Variants in GDPGP1 observed in about 807,000 individuals in gnomAD.
The protein encoded by GDPGP1 is GDP-D-glucose phosphorylase C15orf58.
In GDPGP1, 18 loss-of-function variants were observed where a neutral mutation model predicts 19.2. The ratio of observed to expected loss-of-function variants is 0.94; its 90% confidence interval spans 0.65 to 1.39. The LOEUF (loss-of-function observed/expected upper bound fraction) is 1.39. Ranked by LOEUF, GDPGP1 falls within the 40% of genes most tolerant of loss-of-function variation. GDPGP1 has a pLI of 0.00. For synonymous variants in GDPGP1, 219 were observed against 208.9 expected, an observed-to-expected ratio of 1.05 and a Z score of -0.42; for missense variants, 449 against 490.5, an observed-to-expected ratio of 0.92 and a Z score of 0.80.
rs371098967 is a variant in GDPGP1 at position 90,243,090 on chromosome 15, C to T, written c.*1024C>T. ...TGACTTTACATTTAGATTTTGTCTTCCTTTGATATCAAATGTTAGCACGGT... is the reference window on the plus strand; with the variant it reads ...TGACTTTACATTTAGATTTTGTCTTTCTTTGATATCAAATGTTAGCACGGT... On this transcript the variant is annotated 3_prime_UTR_variant, in exon 4 of 4. Coordinates refer to ENST00000329600, the MANE Select transcript of GDPGP1 (RefSeq NM_001013657.3). 1.3e-5 allele frequency: 2 copies of T among 152,184 alleles called. No individual in the cohort carries two copies. Among genetic ancestry groups the T allele is most frequent in the African/African-American group, 2.4e-5 (1 of 41,440 alleles). The allele number at this position is 152,184 out of a possible 1,614,324, so 9.4% of individuals were successfully genotyped here. A position where few individuals can be genotyped will look rare whatever the true frequency, so the allele number is the denominator to read the frequency against.
chr15:90,236,764 C>T (rs1317491029), intron 2 of GDPGP1, among the ~76,000 whole-genome samples: 1 of 151,844 alleles, frequency 6.6e-6, no homozygotes, highest in African/African-American at 2.4e-5. Context: ...TCTCGATCTC[C>T]TGATCTCTTG....
In GDPGP1 at chr15:90,243,379, GT is replaced by G. The variant is rs66582975; in HGVS notation, c.*1320del. The G allele has an allele frequency of 0.21, 31,497 of 151,674 alleles. 4,094 individuals carry two copies. The highest frequency in any genetic ancestry group is 0.37 in the African/African-American group (15,100 of 41,244). 9.4% of individuals were successfully genotyped at this position (151,674 alleles called of 1,614,324 possible). A position where few individuals can be genotyped will look rare whatever the true frequency, so the allele number is the denominator to read the frequency against. ...CCGGGTGCACGTCTTTTTTTGTTTTGTTTTTTTGTAAGGCTGGGGTGCAGTG... is the reference window on the plus strand; with the variant it reads ...CCGGGTGCACGTCTTTTTTTGTTTTGTTTTTTGTAAGGCTGGGGTGCAGTG... On this transcript the variant is annotated 3_prime_UTR_variant, in exon 4 of 4. Coordinates refer to ENST00000329600, the MANE Select transcript of GDPGP1 (RefSeq NM_001013657.3).
chr15:90,244,573 C>T lies in GDPGP1; in HGVS notation c.*2507C>T, dbSNP rs1167022023. 1 of 152,122 alleles carries T rather than the reference C, an allele frequency of 6.6e-6. No homozygotes were observed. 9.4% of individuals were successfully genotyped at this position (152,122 alleles called of 1,614,324 possible). A position where few individuals can be genotyped will look rare whatever the true frequency, so the allele number is the denominator to read the frequency against. ...GGGCACGTTGGCTCACACCTTTAAT[C>T]CTAGCACTTTGGGAAGCCGAGGCAG... On this transcript the variant is annotated 3_prime_UTR_variant, in exon 4 of 4. Transcript: ENST00000329600.
chr15:90,241,881 G>A lies in GDPGP1; in HGVS notation c.973G>A (p.Gly325Ser), dbSNP rs527445914. The A allele has an allele frequency of 3.3e-5, 53 of 1,614,108 alleles. No homozygotes were observed. The East Asian group carries it at 5.3e-4, about 16-fold the overall frequency. Residue 325 changes from glycine (G) to serine (S), a missense_variant, in exon 4 of 4, where the codon GGT becomes AGT. Coordinates refer to ENST00000329600, the MANE Select transcript of GDPGP1 (RefSeq NM_001013657.3). ...GAAGTCCAGCTTTGGGATAAAGGAC[G>A]GTGAAGCTTTCAATGTTGCCCTCTG... ...ARKSSFGIKD[G>S]EAFNVALCEL...
chr15:90,241,458 G>T lies in GDPGP1; in HGVS notation c.550G>T (p.Gly184Cys), dbSNP rs1962756940. 6.2e-7 allele frequency: 1 copy of T among 1,613,526 alleles called. No homozygotes were observed. Reference sequence around the variant, plus strand: ...CCAGCTCCCCCAGCGCCTGCTGCCGGGTGCACTGAGGGCAGGGATTGAGGC... The same window carrying T: ...CCAGCTCCCCCAGCGCCTGCTGCCGTGTGCACTGAGGGCAGGGATTGAGGC... ...ARQLPQRLLP[G>C]ALRAGIEAVL... The change falls in exon 4 of 4, where the codon GGT (glycine) becomes TGT (cysteine). Residue 184 changes from glycine (G) to cysteine (C), a missense_variant. Transcript: ENST00000329600.
chr15:90,245,615 T>C lies in GDPGP1; in HGVS notation c.*3549T>C, dbSNP rs1410897177. On this transcript the variant is annotated 3_prime_UTR_variant, in exon 4 of 4. Coordinates refer to ENST00000329600, the MANE Select transcript of GDPGP1 (RefSeq NM_001013657.3). ...CATAAGCTCCAGTATCACACTTAAT[T>C]TTGCTTGCTTGCTCTCTGAAGGGAG... is the stretch of plus-strand genomic sequence containing the variant. 1 of 152,210 alleles carries C rather than the reference T, an allele frequency of 6.6e-6. No homozygotes were observed. Among genetic ancestry groups the C allele is most frequent in the Non-Finnish European group, 1.5e-5 (1 of 68,044 alleles). The allele number at this position is 152,210 out of a possible 1,614,324, so 9.4% of individuals were successfully genotyped here. A position where few individuals can be genotyped will look rare whatever the true frequency, so the allele number is the denominator to read the frequency against.
chr15:90,239,700 ATATC>A (rs917690586), intron 3 of GDPGP1, among the ~76,000 whole-genome samples: 6 of 152,188 alleles, frequency 3.9e-5, no homozygotes, highest in Admixed American at 6.5e-5. Context: ...TAGCCAAACC[ATATC>A]TATCTATCTA....
chr15:90,234,768 C>G (rs1175661161), intron 2 of GDPGP1, among the ~76,000 whole-genome samples, 172 bp downstream of exon 2: 1 of 152,172 alleles, frequency 6.6e-6, no homozygotes, highest in Non-Finnish European at 1.5e-5. Flanking sequence ...TCCATCTCAC[C>G]CCTAGACTGC....
Position 90,241,865 on chromosome 15 carries a change from C to T in GDPGP1, c.957C>T (p.Ser319=). ...VRVILWARKS[S]FGIKDGEAFN... ...TAATTCTGTGGGCCCGGAAGTCCAG[C>T]TTTGGGATAAAGGACGGTGAAGCTT... Residue 319 remains serine (S), a synonymous_variant, in exon 4 of 4, where the codon AGC becomes AGT. Transcript: ENST00000329600. 1 of 1,614,168 alleles carries T rather than the reference C, an allele frequency of 6.2e-7. No individual in the cohort carries two copies. Among genetic ancestry groups the T allele is most frequent in the Non-Finnish European group, 8.5e-7 (1 of 1,180,032 alleles).
intron 2 of GDPGP1, among the ~76,000 whole-genome samples, chr15:90,236,814 G>A (rs537695969): frequency 3.9e-5 from 6 of 151,974 alleles, no homozygotes; most frequent in East Asian, 3.9e-4. Context: ...GAGCCACCAC[G>A]CCCGGCCTCT....
Position 90,241,466 on chromosome 15 carries a change from G to C in GDPGP1, c.558G>C (p.Leu186=). 6.2e-7 allele frequency: 1 copy of C among 1,613,748 alleles called. No individual in the cohort carries two copies. The highest frequency in any genetic ancestry group is 8.5e-7 in the Non-Finnish European group (1 of 1,180,032). ...CCCAGCGCCTGCTGCCGGGTGCACT[G>C]AGGGCAGGGATTGAGGCTGTGCTGC... ...QLPQRLLPGA[L]RAGIEAVLLS... The change falls in exon 4 of 4, where the codon CTG becomes CTC. Residue 186 remains leucine (L), a synonymous_variant. Transcript: ENST00000329600.
rs1465224412 is a variant in GDPGP1, at chr15:90,245,596, C to G, written c.*3530C>G. 1 of 152,028 alleles carries G rather than the reference C, an allele frequency of 6.6e-6. No individual in the cohort carries two copies. The highest frequency in any genetic ancestry group is 3.2e-3 in the Middle Eastern group (1 of 316). 9.4% of individuals were successfully genotyped at this position (152,028 alleles called of 1,614,324 possible). A position where few individuals can be genotyped will look rare whatever the true frequency, so the allele number is the denominator to read the frequency against. On this transcript the variant is annotated 3_prime_UTR_variant, in exon 4 of 4. Coordinates refer to ENST00000329600, the MANE Select transcript of GDPGP1 (RefSeq NM_001013657.3). Reference sequence around the variant, plus strand: ...TTTTGCAAGCTTTTGCATGCATAAGCTCCAGTATCACACTTAATTTTGCTT... The same window carrying G: ...TTTTGCAAGCTTTTGCATGCATAAGGTCCAGTATCACACTTAATTTTGCTT...
intron 2 of GDPGP1, among the ~76,000 whole-genome samples, chr15:90,236,712 T>C (rs1962642783): frequency 1.3e-5 from 2 of 151,052 alleles, no homozygotes; most frequent in African/African-American, 2.4e-5. Flanking sequence ...TTTTGTATTT[T>C]TTTTTAGTAG....
At position 90,236,400 on chromosome 15, in the gene GDPGP1, T is replaced by C. The variant is rs1173316964; in HGVS notation, c.-67+1804T>C. ...TTGTGCCTGGTGACCAGCTGTGATCTAGATCTCTCAGTCACTTCACTTGGC... is the reference window on the plus strand; with the variant it reads ...TTGTGCCTGGTGACCAGCTGTGATCCAGATCTCTCAGTCACTTCACTTGGC... On this transcript the variant is annotated intron_variant, in intron 2 of 3. Transcript: ENST00000329600. 2.6e-5 allele frequency among the ~76,000 whole-genome samples: 4 copies of C among 152,372 alleles called. No individual in the cohort carries two copies. The Middle Eastern group carries it at 0.01, about 389-fold the overall frequency.
Position 90,241,940 on chromosome 15 carries a change from C to T in GDPGP1, c.1032C>T (p.Ser344=), listed in dbSNP as rs1490817315. 6.2e-7 allele frequency: 1 copy of T among 1,614,130 alleles called. No homozygotes were observed. The highest frequency in any genetic ancestry group is 1.7e-5 in the Admixed American group (1 of 60,006). ...ELAGHLPVKT[S]QDFSSLTEAA... is the part of the protein sequence containing the mutation. ...CTGGGCACCTCCCTGTCAAAACATC[C>T]CAGGACTTCAGCAGCCTGACAGAGG... is the stretch of plus-strand genomic sequence containing the variant. Residue 344 remains serine (S), a synonymous_variant, in exon 4 of 4, where the codon TCC becomes TCT. Coordinates refer to ENST00000329600, the MANE Select transcript of GDPGP1 (RefSeq NM_001013657.3).
rs996792886 is a variant in GDPGP1 at position 90,243,710 on chromosome 15, A to C, written c.*1644A>C. 4.9e-5 allele frequency: 6 copies of C among 123,128 alleles called. No individual in the cohort carries two copies. The highest frequency in any genetic ancestry group is 1.6e-5 in the Non-Finnish European group (1 of 61,474). The allele number at this position is 123,128 out of a possible 1,614,324, so 7.6% of individuals were successfully genotyped here. A position where few individuals can be genotyped will look rare whatever the true frequency, so the allele number is the denominator to read the frequency against. On this transcript the variant is annotated 3_prime_UTR_variant, in exon 4 of 4. Transcript: ENST00000329600. ...GTCACCCAGGCTGGAGTGCAGTGGT[A>C]TGAAGACAGCTAACTGCAAGCTTCA... is the stretch of plus-strand genomic sequence containing the variant.
In GDPGP1 at chr15:90,244,063, C is replaced by A. The variant is rs1380513828; in HGVS notation, c.*1997C>A. The A allele has an allele frequency of 1.3e-5, 2 of 151,886 alleles. No homozygotes were observed. Among genetic ancestry groups the A allele is most frequent in the Non-Finnish European group, 2.9e-5 (2 of 68,058 alleles). The allele number at this position is 151,886 out of a possible 1,614,324, so 9.4% of individuals were successfully genotyped here. On this transcript the variant is annotated 3_prime_UTR_variant, in exon 4 of 4. Coordinates refer to ENST00000329600, the MANE Select transcript of GDPGP1 (RefSeq NM_001013657.3). ...GTTCAAGCAATTCAGCCTGAGTCTT[C>A]TTAATACCCCCATTCAAAACGGGAT...
rs71151576 is a variant in GDPGP1 at position 90,242,431 on chromosome 15, CTTTTTTTTTTTTTTTTTT to C, written c.*379_*396del. The C allele has an allele frequency of 1.2e-4, 8 of 65,514 alleles. No homozygotes were observed. Among genetic ancestry groups the C allele is most frequent in the Non-Finnish European group, 2.1e-4 (7 of 32,782 alleles). The allele number at this position is 65,514 out of a possible 1,614,324, so 4.1% of individuals were successfully genotyped here. A position where few individuals can be genotyped will look rare whatever the true frequency, so the allele number is the denominator to read the frequency against. On this transcript the variant is annotated 3_prime_UTR_variant, in exon 4 of 4. Transcript: ENST00000329600. ...TGAGCCCCTGGATTCTTTTCTGTTT[CTTTTTTTTTTTTTTTTTT>C]TTTTTTTTTTTTTGAGATAGTCTCG... is the stretch of plus-strand genomic sequence containing the variant.
chr15:90,234,608 T>C lies in GDPGP1; in HGVS notation c.-67+12T>C, dbSNP rs977913866. The C allele has an allele frequency of 4.6e-5, 7 of 151,984 alleles. No homozygotes were observed. Among genetic ancestry groups the C allele is most frequent in the African/African-American group, 4.8e-5 (2 of 41,282 alleles). The allele number at this position is 151,984 out of a possible 1,614,324, so 9.4% of individuals were successfully genotyped here. ...ACATCCCTTGCGAGGTAGGTTCCCA[T>C]TTTACAAAGATGGAAATACGTAAGT... On this transcript the variant is annotated intron_variant, in intron 2 of 3. Transcript: ENST00000329600.
Sources: gnomAD v4.1 joint callset for allele counts (sites outside exome capture counted in the v4.1 genomes callset) on GRCh38, gnomAD v4.1.1 for gene constraint, MANE v1.5 for transcripts, NCBI Gene and HGNC (gene_info 2026-07-23, HGNC 2026-07-21) for gene names.